The following DLG5 variants were observed in gnomAD, a reference collection of about 807,000 sequenced individuals.
DLG5 encodes the protein discs large MAGUK scaffold protein 5.
In DLG5, 48 loss-of-function variants were observed where a neutral mutation model predicts 189.8. That is an observed-to-expected ratio of 0.25 (90% CI 0.20 to 0.32). The LOEUF (loss-of-function observed/expected upper bound fraction) is 0.32, where lower values mean the gene tolerates loss of function less well. Ranked by LOEUF, DLG5 falls within the 10% of genes least tolerant of loss-of-function variation. The pLI, the probability that DLG5 is intolerant of heterozygous loss-of-function variation, is 1.00. For missense variants in DLG5, 2,160 were observed against 2,544.7 expected (o/e 0.85, Z 3.25); for synonymous variants, 1,016 against 1,054.1 (o/e 0.96, Z 0.70).
intron 12 of DLG5, 123 bp downstream of exon 12, chr10:77,829,232 A>G (rs1468546960): frequency 7.3e-7 from 1 of 1,369,282 alleles, no homozygotes; most frequent in African/African-American, 1.4e-5. Flanking sequence ...CATGGGCTAC[A>G]TTTAAATGGC....
intron 1 of DLG5, among the ~76,000 whole-genome samples, chr10:77,917,484 A>G (rs2131855132): frequency 6.6e-6 from 1 of 151,246 alleles, no homozygotes. Flanking sequence ...ACCGCACTCC[A>G]TGCATTCCAG....
intron 1 of DLG5, among the ~76,000 whole-genome samples, chr10:77,916,210 C>A (rs377200258): frequency 2.0e-5 from 3 of 152,116 alleles, no homozygotes; most frequent in African/African-American, 7.2e-5. Context: ...CAGAGCAAGA[C>A]CCTGTCTCAA....
At chr10:77,923,369 T>G (rs756383659) in intron 1 of DLG5, among the ~76,000 whole-genome samples, 1 of 152,158 alleles carries the variant, frequency 6.6e-6, no homozygotes, top group East Asian at 1.9e-4. Flanking sequence ...CGCTCTCTTA[T>G]GCACTGAGCT....
rs781768885 is a variant in DLG5 at position 77,833,988 on chromosome 10, C to A, written c.1674G>T (p.Leu558=). The part of the protein sequence containing the change: ...RRERDRAVSE[L]AEALRSLDDT... ...CATCCAGGCTGCGCAGGGCCTCAGC[C>A]AGCTCGCTCACCGCACGGTCCCGCT... The change falls in exon 9 of 32, where the codon CTG becomes CTT. Residue 558 remains leucine, a synonymous_variant. Coordinates refer to ENST00000372391, the MANE Select transcript of DLG5 (RefSeq NM_004747.4). The A allele has an allele frequency of 2.5e-6, 4 of 1,608,642 alleles. No individual in the cohort carries two copies. In the East Asian group the frequency reaches 8.9e-5, roughly 36 times the overall value.
intron 27 of DLG5, among the ~76,000 whole-genome samples, chr10:77,803,238 CTACTT>C (rs1277330265): frequency 6.6e-6 from 1 of 152,172 alleles, no homozygotes; most frequent in Admixed American, 6.5e-5. Context: ...TGGGAAATGT[CTACTT>C]TATGTAATGA....
the DLG5 span, among the ~76,000 whole-genome samples, chr10:77,939,508 C>T: frequency 6.6e-6 from 1 of 152,186 alleles, no homozygotes; most frequent in African/African-American, 2.4e-5. Context: ...ATTGTTCCTC[C>T]TTTTCTCCAT....
intron 1 of DLG5, among the ~76,000 whole-genome samples, chr10:77,870,929 C>G (rs756135104): frequency 6.2e-4 from 94 of 151,704 alleles, no homozygotes; most frequent in Middle Eastern, 3.4e-3. Context: ...TGCAGGCAGG[C>G]GAGCTAGCAG....
intron 2 of DLG5, among the ~76,000 whole-genome samples, chr10:77,864,143 A>G (rs1659389): frequency 0.74 from 112,932 of 152,012 alleles, 42,909 homozygotes; most frequent in African/African-American, 0.91. Context: ...TCAGCAAATG[A>G]ACTGGCAGCT....
intron 1 of DLG5, among the ~76,000 whole-genome samples, chr10:77,908,406 C>T (rs1846126386): frequency 6.6e-6 from 1 of 152,148 alleles, no homozygotes; most frequent in Admixed American, 6.5e-5. Context: ...CAGCCTCCCA[C>T]CCAATGCCAA....
At chr10:77,851,874 C>T (rs1182180200) in intron 5 of DLG5, among the ~76,000 whole-genome samples, 1 of 152,202 alleles carries the variant, frequency 6.6e-6, no homozygotes, top group Non-Finnish European at 1.5e-5. Flanking sequence ...TACACTAGGG[C>T]AGGTCGCCCC....
chr10:77,926,766 A>G, upstream of DLG5: 1 of 160,108 alleles, frequency 6.2e-6, no homozygotes, highest in South Asian at 1.6e-4. The surrounding 1 kb of genome is among the most constrained non-coding windows in gnomAD (Gnocchi z 5.2). Flanking sequence ...GAAGAGGAGG[A>G]GGAGGAGACG....
chr10:77,809,123 G>A (rs1841627149), intron 24 of DLG5, among the ~76,000 whole-genome samples: 1 of 144,312 alleles, frequency 6.9e-6, no homozygotes, highest in Non-Finnish European at 1.5e-5. Context: ...AATCAATCCT[G>A]AGGCTGGACA....
At position 77,806,738 on chromosome 10, in the gene DLG5, C is replaced by CCCCCCCCCCCCCCAAAAAA; in HGVS notation, c.4967+19_4967+20insTTTTTTGGGGGGGGGGGGG. 6.4e-7 allele frequency: 1 copy of CCCCCCCCCCCCCCAAAAAA among 1,574,712 alleles called. No homozygotes were observed. Among genetic ancestry groups the CCCCCCCCCCCCCCAAAAAA allele is most frequent in the Non-Finnish European group, 8.7e-7 (1 of 1,147,900 alleles). On this transcript the variant is annotated intron_variant, in intron 26 of 31. Transcript: ENST00000372391. The stretch of plus-strand genomic sequence containing the variant: ...CGGCGACCCCTGCCCCACCCCACCC[C>CCCCCCCCCCCCCCAAAAAA]AGGCCCGGAGAACACTTACACATAT...
chr10:77,851,675 T>A (rs1843982876), intron 5 of DLG5, among the ~76,000 whole-genome samples: 1 of 152,350 alleles, frequency 6.6e-6, no homozygotes, highest in East Asian at 1.9e-4. Context: ...TTAGGGTCTC[T>A]TGCTGAGCCT....
Position 77,926,533 on chromosome 10 carries a change from C to G in DLG5, c.-13G>C. ...GCTGGGGCTCCATGGTGGCGGGCCG[C>G]GCCGCCCCGCCCCGCCGGACGCCTC... On this transcript the variant is annotated 5_prime_UTR_variant, in exon 1 of 32. Coordinates refer to ENST00000372391, the MANE Select transcript of DLG5 (RefSeq NM_004747.4). This position sits in a 1 kb window ranked among gnomAD's most constrained non-coding sequence, Gnocchi z 5.2. The G allele has an allele frequency of 7.9e-7, 1 of 1,260,312 alleles. No individual in the cohort carries two copies. Among genetic ancestry groups the G allele is most frequent in the Non-Finnish European group, 9.9e-7 (1 of 1,005,404 alleles). 78.1% of individuals were successfully genotyped at this position (1,260,312 alleles called of 1,614,324 possible).
At chr10:77,802,659 G>A (rs1841270267) in intron 27 of DLG5, among the ~76,000 whole-genome samples, 1 of 152,262 alleles carries the variant, frequency 6.6e-6, no homozygotes, top group Non-Finnish European at 1.5e-5. Context: ...TGCACTTTGT[G>A]AGGCTAAGAC....
At chr10:77,806,617 G>T in intron 26 of DLG5, 141 bp downstream of exon 26, 1 of 1,205,414 alleles carries the variant, frequency 8.3e-7, no homozygotes, top group Non-Finnish European at 1.2e-6. Flanking sequence ...TTGGCAAAAT[G>T]TAGAGAGCAG....
intron 5 of DLG5, chr10:77,845,408 G>T (rs1412407472): frequency 6.6e-6 from 1 of 152,174 alleles, no homozygotes; most frequent in Admixed American, 6.5e-5. Context: ...CTGGGACGAT[G>T]GAACACTCCC....
In DLG5 at chr10:77,819,916, A is replaced by AT. The variant is rs1295048308; in HGVS notation, c.3504dup (p.Tyr1169IlefsTer3). ...TCACCCACAGACGGCCTGCTAGGGT[A>AT]TAGCGGGGGGTTGCTGTGCCGGCTG... On this transcript the variant is annotated frameshift_variant, in exon 16 of 32. Transcript: ENST00000372391. LOFTEE classifies it high-confidence loss of function. The AT allele has an allele frequency of 6.3e-7, 1 of 1,596,892 alleles. No individual in the cohort carries two copies. The highest frequency in any genetic ancestry group is 2.2e-5 in the East Asian group (1 of 44,550).
Sources: gnomAD v4.1 joint callset for allele counts (sites outside exome capture counted in the v4.1 genomes callset) on GRCh38, gnomAD v4.1.1 for gene constraint, Gnocchi (gnomAD v3.1) non-coding constraint, MANE v1.5 for transcripts, NCBI Gene and HGNC (gene_info 2026-07-23, HGNC 2026-07-21) for gene names.